The following GAREM1 variants were observed in gnomAD, a reference collection of about 807,000 sequenced individuals.
GAREM1 encodes GRB2-associated and regulator of MAPK protein 1.
A neutral mutation model predicts 71.3 loss-of-function variants in GAREM1; 26 were observed. The ratio of observed to expected loss-of-function variants is 0.36; its 90% CI spans 0.27 to 0.51. GAREM1 has a LOEUF of 0.51. Among genes scored for constraint, GAREM1 ranks in the 20% least tolerant of loss-of-function variants. The probability of loss-of-function intolerance (pLI) is 0.95; values close to 1 mark genes in which losing one functional copy is unlikely to be tolerated. For missense variants in GAREM1, 1,026 were observed against 1,103.1 expected (o/e 0.93, Z 0.99); for synonymous variants, 440 against 433.2 (o/e 1.02, Z -0.20).
intron 1 of GAREM1, among the ~76,000 whole-genome samples, chr18:32,450,697 C>G (rs1262785176): frequency 1.3e-5 from 2 of 152,160 alleles, no homozygotes; most frequent in African/African-American, 2.4e-5. Flanking sequence ...ATACCTCCAG[C>G]CTTTAGCACT....
At chr18:32,358,971 C>T (rs1567978193) in intron 2 of GAREM1, among the ~76,000 whole-genome samples, 3 of 152,156 alleles carry the variant, frequency 2.0e-5, no homozygotes, top group Admixed American at 6.5e-5. Context: ...GTTCACTGCA[C>T]GGGATGCTCA....
At chr18:32,305,598 G>C (rs979227382) in intron 3 of GAREM1, among the ~76,000 whole-genome samples, 2 of 152,048 alleles carry the variant, frequency 1.3e-5, no homozygotes, top group Admixed American at 6.6e-5. Context: ...TGGCTCACTG[G>C]AACCTCTGCC....
chr18:32,316,037 T>C (rs929618894), intron 2 of GAREM1, among the ~76,000 whole-genome samples: 1 of 152,206 alleles, frequency 6.6e-6, no homozygotes, highest in African/African-American at 2.4e-5. Context: ...AACAAATGAA[T>C]AATCACTTTT....
intron 1 of GAREM1, among the ~76,000 whole-genome samples, chr18:32,418,205 T>C (rs1421148891): frequency 1.3e-5 from 2 of 152,160 alleles, no homozygotes; most frequent in Non-Finnish European, 2.9e-5. Context: ...ATCACATACA[T>C]ATAATAGAGC....
At chr18:32,403,004 G>A (rs2048330649) in intron 1 of GAREM1, among the ~76,000 whole-genome samples, 1 of 152,012 alleles carries the variant, frequency 6.6e-6, no homozygotes, top group African/African-American at 2.4e-5. Flanking sequence ...TGCAACCTCT[G>A]CCTCCCAGGT....
In GAREM1 at chr18:32,396,490, C is replaced by T. The variant is rs531424485; in HGVS notation, c.122-3455G>A. ...CCTAATGGAGCTGAAAACCATGGCACGAGAACTACGTGACGAATGCACAAG... is the reference window on the plus strand; with the variant it reads ...CCTAATGGAGCTGAAAACCATGGCATGAGAACTACGTGACGAATGCACAAG... On this transcript the variant is annotated intron_variant, in intron 1 of 5. Coordinates refer to ENST00000269209, the MANE Select transcript of GAREM1 (RefSeq NM_001242409.2). 1.3e-3 allele frequency among the ~76,000 whole-genome samples: 192 copies of T among 152,242 alleles called. 1 individual carries two copies. Among genetic ancestry groups the T allele is most frequent in the Middle Eastern group, 3.4e-3 (1 of 294 alleles).
intron 1 of GAREM1, among the ~76,000 whole-genome samples, chr18:32,444,574 A>T (rs1020083384): frequency 2.6e-5 from 4 of 152,184 alleles, no homozygotes; most frequent in African/African-American, 7.2e-5. Flanking sequence ...ATTCTGGTTT[A>T]AGTATAGTCT....
chr18:32,321,155 G>C (rs2047424270), intron 2 of GAREM1, among the ~76,000 whole-genome samples: 1 of 152,044 alleles, frequency 6.6e-6, no homozygotes, highest in African/African-American at 2.4e-5. Flanking sequence ...AACACTTGTA[G>C]AATAAATGAA....
At chr18:32,352,804 G>A (rs1278037768) in intron 2 of GAREM1, among the ~76,000 whole-genome samples, 2 of 152,204 alleles carry the variant, frequency 1.3e-5, no homozygotes, top group African/African-American at 2.4e-5. Flanking sequence ...GATGGGGCTA[G>A]AGGGGAGAGA....
intron 2 of GAREM1, among the ~76,000 whole-genome samples, chr18:32,335,694 A>G (rs1052389296): frequency 6.6e-6 from 1 of 152,238 alleles, no homozygotes; most frequent in Admixed American, 6.5e-5. Context: ...TGCTTGATAG[A>G]TAACTCCACT....
intron 1 of GAREM1, among the ~76,000 whole-genome samples, chr18:32,423,152 G>C (rs1490067778): frequency 6.6e-6 from 1 of 152,220 alleles, no homozygotes; most frequent in African/African-American, 2.4e-5. Flanking sequence ...TATGGGCAGA[G>C]TAAGAATTCC....
chr18:32,380,754 GACC>G lies in GAREM1; in HGVS notation c.262+12138_262+12140del, dbSNP rs1056226908. Among the ~76,000 whole-genome samples the G allele has an allele frequency of 2.0e-5, 3 of 151,994 alleles. No homozygotes were observed. In the East Asian group the frequency reaches 5.8e-4, roughly 29 times the overall value. Reference sequence around the variant, plus strand: ...CATTATCTTCCCAACCTCCTATTGTGACCACCAAAAATGTCTCTAGATGGCGCT... The same window carrying G: ...CATTATCTTCCCAACCTCCTATTGTGACCAAAAATGTCTCTAGATGGCGCT... On this transcript the variant is annotated intron_variant, in intron 2 of 5. Transcript: ENST00000269209.
intron 2 of GAREM1, among the ~76,000 whole-genome samples, chr18:32,318,738 G>A (rs1175675454): frequency 6.6e-6 from 1 of 152,142 alleles, no homozygotes; most frequent in Middle Eastern, 3.2e-3. Context: ...AGTCTACTTT[G>A]TGTATCAAAT....
At chr18:32,310,163 A>G (rs773194061) in intron 3 of GAREM1, 30 bp downstream of exon 3, 1 of 1,611,144 alleles carries the variant, frequency 6.2e-7, no homozygotes, top group South Asian at 1.1e-5. Flanking sequence ...TTTAGTGAGT[A>G]TAAATATTTG....
At chr18:32,358,003 A>C (rs1189165044) in intron 2 of GAREM1, among the ~76,000 whole-genome samples, 1 of 152,084 alleles carries the variant, frequency 6.6e-6, no homozygotes, top group Admixed American at 6.5e-5. Context: ...ACTGCCTTTA[A>C]AATTACTTTA....
intron 2 of GAREM1, among the ~76,000 whole-genome samples, chr18:32,315,439 AAAATATATATAAAAGTATATATAT>A (rs1263345323): frequency 1.4e-5 from 2 of 147,502 alleles, no homozygotes; most frequent in Non-Finnish European, 3.0e-5. Context: ...TATATATAAA[AAAATATATATAAAAGTATATATAT>A]AAATATATAT....
At chr18:32,390,755 C>T (rs752553069) in intron 2 of GAREM1, among the ~76,000 whole-genome samples, 3 of 152,190 alleles carry the variant, frequency 2.0e-5, no homozygotes, top group South Asian at 2.1e-4. Context: ...TCTTATCTCA[C>T]ATTGTGGATG....
intron 2 of GAREM1, among the ~76,000 whole-genome samples, chr18:32,361,054 T>A (rs1341819422): frequency 1.3e-5 from 2 of 152,226 alleles, no homozygotes; most frequent in Admixed American, 6.5e-5. Context: ...TTTATCTCAT[T>A]GTTAGATTTT....
At chr18:32,405,413 G>A (rs973356619) in intron 1 of GAREM1, among the ~76,000 whole-genome samples, 41 of 152,088 alleles carry the variant, frequency 2.7e-4, no homozygotes, top group African/African-American at 9.9e-4. Context: ...GGCCAGGCTG[G>A]TCTCAAACTC....
Sources: gnomAD v4.1 joint callset for allele counts (sites outside exome capture counted in the v4.1 genomes callset) on GRCh38, gnomAD v4.1.1 for gene constraint, MANE v1.5 for transcripts, NCBI Gene and HGNC (gene_info 2026-07-23, HGNC 2026-07-21) for gene names.